Variants in NLRP8 observed in about 807,000 individuals in gnomAD.
The protein encoded by NLRP8 is NLR family pyrin domain containing 8.
Under a neutral mutation model 88.7 loss-of-function variants are expected in NLRP8, and 86 were observed. The ratio of observed to expected loss-of-function variants is 0.97; its 90% CI spans 0.81 to 1.16. The LOEUF (loss-of-function observed/expected upper bound fraction) is 1.16, where lower values mean the gene tolerates loss of function less well. Ranked by LOEUF, NLRP8 falls within the 50% of genes most tolerant of loss-of-function variation. The pLI is 0.00. For missense variants in NLRP8, 1,342 were observed against 1,286.5 expected (o/e 1.04, Z -0.66); for synonymous variants, 504 against 494.6 (o/e 1.02, Z -0.25).
At chr19:55,975,828 G>A (rs1247076475) in intron 7 of NLRP8, among the ~76,000 whole-genome samples, 1 of 152,074 alleles carries the variant, frequency 6.6e-6, no homozygotes, top group Non-Finnish European at 1.5e-5. Flanking sequence ...TTTCCTTAGG[G>A]GTGACAAAAA....
intron 4 of NLRP8, 124 bp downstream of exon 4, chr19:55,962,361 G>T: frequency 9.9e-7 from 1 of 1,005,048 alleles, no homozygotes; most frequent in Non-Finnish European, 1.4e-6. Context: ...AGCCTTGGAC[G>T]GAGGTGCAGG....
intron 9 of NLRP8, among the ~76,000 whole-genome samples, chr19:55,986,667 C>T (rs959002608): frequency 1.4e-4 from 21 of 152,202 alleles, no homozygotes; most frequent in Non-Finnish European, 2.6e-4. Flanking sequence ...TGGTTCAGAG[C>T]CGGTTGCAGC....
chr19:55,971,211 G>A (rs1425979039), intron 6 of NLRP8, among the ~76,000 whole-genome samples: 4 of 152,176 alleles, frequency 2.6e-5, no homozygotes, highest in Non-Finnish European at 2.9e-5. Context: ...AGGCCGAGGC[G>A]GGCGGATCAC....
intron 5 of NLRP8, among the ~76,000 whole-genome samples, chr19:55,968,604 G>T (rs1036682781): frequency 6.6e-5 from 10 of 151,822 alleles, no homozygotes; most frequent in African/African-American, 2.2e-4. Context: ...GCCAGTTGTG[G>T]TGGCTCACAC....
In NLRP8 at chr19:55,988,440, G is replaced by GTATATATATATATATATATA. The variant is rs1445801696; in HGVS notation, c.*528_*529insATATATATATATATATATAT. On this transcript the variant is annotated 3_prime_UTR_variant, in exon 10 of 10. Transcript: ENST00000291971. ...TATACACATAAATATATATATGTGT[G>GTATATATATATATATATATA]TGTGTATATATATATATATATATAT... The GTATATATATATATATATATA allele has an allele frequency of 2.0e-5, 2 of 100,558 alleles. No homozygotes were observed. The highest frequency in any genetic ancestry group is 2.6e-4 in the East Asian group (1 of 3,774). The allele number at this position is 100,558 out of a possible 1,614,324, so 6.2% of individuals were successfully genotyped here. A position where few individuals can be genotyped will look rare whatever the true frequency, so the allele number is the denominator to read the frequency against.
chr19:55,963,345 G>A (rs1254249366), intron 4 of NLRP8, among the ~76,000 whole-genome samples: 6 of 152,118 alleles, frequency 3.9e-5, no homozygotes, highest in African/African-American at 1.4e-4. Flanking sequence ...AGCTGGAGAG[G>A]TTAAGTGATT....
Position 55,982,481 on chromosome 19 carries a change from A to G in NLRP8, c.3047+2917A>G, listed in dbSNP as rs113461952. Among the ~76,000 whole-genome samples, 944 of 152,342 alleles carry G rather than the reference A, an allele frequency of 6.2e-3. 3 individuals carry two copies. The highest frequency in any genetic ancestry group is 0.01 in the African/African-American group (424 of 41,576). The stretch of plus-strand genomic sequence containing the variant: ...ATGAAAAAGAAACTTAAGTGTAGAA[A>G]CAATGGTATCATAGAAACAGCACAC... On this transcript the variant is annotated intron_variant, in intron 9 of 9. Coordinates refer to ENST00000291971, the MANE Select transcript of NLRP8 (RefSeq NM_176811.2).
intron 5 of NLRP8, among the ~76,000 whole-genome samples, chr19:55,968,671 C>G (rs1425583309): frequency 1.3e-5 from 2 of 152,038 alleles, no homozygotes; most frequent in Non-Finnish European, 2.9e-5. Flanking sequence ...ATCCAGGAAG[C>G]AGAGGTTGCA....
At chr19:55,963,474 G>A (rs575646676) in intron 4 of NLRP8, among the ~76,000 whole-genome samples, 6 of 152,324 alleles carry the variant, frequency 3.9e-5, no homozygotes, top group South Asian at 2.1e-4. Context: ...AGGTGCCTGC[G>A]TGGGGTAAGC....
intron 8 of NLRP8, among the ~76,000 whole-genome samples, chr19:55,978,676 C>T (rs1239208774): frequency 6.6e-6 from 1 of 152,148 alleles, no homozygotes; most frequent in Non-Finnish European, 1.5e-5. Flanking sequence ...ATACACGGCA[C>T]CTCTTTGAGA....
At chr19:55,960,811 G>C (rs1262881111) in intron 3 of NLRP8, among the ~76,000 whole-genome samples, 1 of 151,266 alleles carries the variant, frequency 6.6e-6, no homozygotes, top group Non-Finnish European at 1.5e-5. Context: ...CATTTTCAAT[G>C]AAGTATTCTT....
intron 8 of NLRP8, 134 bp downstream of exon 8, chr19:55,976,437 G>A (rs958601981): frequency 1.3e-6 from 1 of 774,828 alleles, no homozygotes. Context: ...TGGAGAACTG[G>A]GAAGCTTCTG....
At chr19:55,972,859 G>A (rs1450147801) in intron 6 of NLRP8, among the ~76,000 whole-genome samples, 1 of 149,150 alleles carries the variant, frequency 6.7e-6, no homozygotes, top group Non-Finnish European at 1.5e-5. Flanking sequence ...TTATCCACTT[G>A]TTGTTTTATG....
In NLRP8 at chr19:55,973,700, C is replaced by T. The variant is rs1013781163; in HGVS notation, c.2583C>T (p.Ser861=). The change falls in exon 7 of 10, where the codon TCC becomes TCT. Residue 861 remains serine, a synonymous_variant. Coordinates refer to ENST00000291971, the MANE Select transcript of NLRP8 (RefSeq NM_176811.2). ...AGCTTACTTGTGAAAGCCTTGCCTC[C>T]TGTCTCAGGCAGAGTAAGATGCTGA... The T allele has an allele frequency of 6.2e-7, 1 of 1,613,770 alleles. No individual in the cohort carries two copies. The highest frequency in any genetic ancestry group is 1.3e-5 in the African/African-American group (1 of 75,042).
rs1426838777 is a variant in NLRP8, at chr19:55,955,492, G to A, written c.1434G>A (p.Lys478=). 7 of 1,614,126 alleles carry A rather than the reference G, an allele frequency of 4.3e-6. No individual in the cohort carries two copies. Among genetic ancestry groups the A allele is most frequent in the African/African-American group, 2.7e-5 (2 of 74,946 alleles). Residue 478 remains lysine, a synonymous_variant, in exon 3 of 10, where the codon AAG becomes AAA. Transcript: ENST00000291971. ...GTAAAGAAGATCTTGAGGAAGCCAA[G>A]CTGGATCAGACGGGAGTCACCGCCT...
intron 8 of NLRP8, 25 bp from the exon 9 acceptor site, chr19:55,979,369 T>C: frequency 6.2e-7 from 1 of 1,612,458 alleles, no homozygotes; most frequent in Non-Finnish European, 8.5e-7. Flanking sequence ...TTCTCTGCTG[T>C]CTGCTGTCTG....
chr19:55,978,421 G>C (rs1254872353), intron 8 of NLRP8, among the ~76,000 whole-genome samples: 1 of 152,040 alleles, frequency 6.6e-6, no homozygotes, highest in African/African-American at 2.4e-5. Context: ...TAAAGAAAAG[G>C]ACTGTGGAGG....
intron 8 of NLRP8, among the ~76,000 whole-genome samples, chr19:55,977,046 C>T (rs1322682261): frequency 2.0e-5 from 3 of 147,444 alleles, no homozygotes; most frequent in African/African-American, 7.5e-5. Flanking sequence ...CACCACTGTA[C>T]TCCAGCCTGG....
chr19:55,964,712 ACTGCACTCCAGCCT>A (rs1486256466), intron 4 of NLRP8, among the ~76,000 whole-genome samples: 2 of 151,138 alleles, frequency 1.3e-5, no homozygotes, highest in Non-Finnish European at 2.9e-5. Flanking sequence ...AGATTGCGCC[ACTGCACTCCAGCCT>A]GGGTAACAAA....
Sources: allele counts gnomAD v4.1 joint callset (sites outside exome capture counted in the v4.1 genomes callset), GRCh38; gene constraint gnomAD v4.1.1; transcripts MANE v1.5; gene names NCBI Gene and HGNC (gene_info 2026-07-23, HGNC 2026-07-21).